EYS: variants seen among roughly 807,000 people sequenced by gnomAD.
EYS encodes the protein EGF-like photoreceptor maintenance factor, also known as protein eyes shut homolog.
In EYS, 250 loss-of-function variants were observed where a neutral mutation model predicts 282.1. The observed-to-expected ratio is 0.89, with a 90% CI of 0.80 to 0.98. The LOEUF is 0.98. Ranked by LOEUF, EYS falls within the 50% of genes least tolerant of loss-of-function variation. The probability of loss-of-function intolerance (pLI) is 0.00; values close to 1 mark genes in which losing one functional copy is unlikely to be tolerated. For synonymous variants in EYS, 1,355 were observed against 1,282.9 expected, an observed-to-expected ratio of 1.06 and a Z score of -1.20; for missense variants, 4,016 against 3,709.0, an observed-to-expected ratio of 1.08 and a Z score of -2.15.
At chr6:65,362,908 A>G (rs1308373574) in intron 8 of EYS, among the ~76,000 whole-genome samples, 2 of 152,104 alleles carry the variant, frequency 1.3e-5, no homozygotes, top group African/African-American at 4.8e-5. Context: ...AGAAAATTAG[A>G]AAAGTTATGG....
intron 11 of EYS, among the ~76,000 whole-genome samples, chr6:65,312,853 T>C (rs564374643): frequency 2.6e-4 from 40 of 152,184 alleles, no homozygotes; most frequent in African/African-American, 8.9e-4. Context: ...CCAGTTGTAA[T>C]ATATGCCAAT....
chr6:64,410,728 A>G (rs996702452), intron 28 of EYS, among the ~76,000 whole-genome samples: 3 of 152,138 alleles, frequency 2.0e-5, no homozygotes, highest in African/African-American at 7.2e-5. Context: ...AAAACACATC[A>G]ACTCTAGCCA....
At chr6:64,051,533 C>T (rs998235433) in intron 33 of EYS, among the ~76,000 whole-genome samples, 1 of 152,070 alleles carries the variant, frequency 6.6e-6, no homozygotes, top group Non-Finnish European at 1.5e-5. Context: ...CTAATACTAT[C>T]AAGCTTTAAG....
intron 35 of EYS, among the ~76,000 whole-genome samples, chr6:63,921,794 A>G (rs1055565331): frequency 2.0e-5 from 3 of 152,238 alleles, no homozygotes; most frequent in African/African-American, 7.2e-5. Context: ...GAAATATAGA[A>G]TGGAAAGTGT....
chr6:64,928,156 AT>A (rs958800978), intron 15 of EYS, among the ~76,000 whole-genome samples: 4 of 152,060 alleles, frequency 2.6e-5, no homozygotes, highest in Non-Finnish European at 4.4e-5. Context: ...TGAAAAGTCT[AT>A]TTCTCTAAAA....
At chr6:64,864,385 C>CTTTTTTTTGTTTTTTTTTTTT (rs1766349476) in intron 19 of EYS, among the ~76,000 whole-genome samples, 1 of 57,166 alleles carries the variant, frequency 1.7e-5, no homozygotes, top group Non-Finnish European at 3.6e-5. Flanking sequence ...GCTATACCTT[C>CTTTTTTTTGTTTTTTTTTTTT]TTTTTTTTTT....
chr6:65,615,802 C>T (rs1162848899), intron 2 of EYS, among the ~76,000 whole-genome samples: 4 of 151,764 alleles, frequency 2.6e-5, no homozygotes, highest in African/African-American at 9.7e-5. Context: ...GTCGTGGTGG[C>T]GGGCGCCTGC....
intron 31 of EYS, among the ~76,000 whole-genome samples, chr6:64,130,302 A>G (rs1279989287): frequency 6.6e-6 from 1 of 152,228 alleles, no homozygotes; most frequent in Non-Finnish European, 1.5e-5. Context: ...ATGCAGCCAT[A>G]AAAGAGGATG....
intron 35 of EYS, among the ~76,000 whole-genome samples, chr6:63,878,103 T>C (rs952863713): frequency 1.3e-5 from 2 of 152,198 alleles, no homozygotes; most frequent in Non-Finnish European, 2.9e-5. Flanking sequence ...CCTATCTTTG[T>C]GGTTTTATCT....
chr6:65,235,228 T>G (rs200775543), intron 12 of EYS, among the ~76,000 whole-genome samples: 1 of 152,150 alleles, frequency 6.6e-6, no homozygotes, highest in Non-Finnish European at 1.5e-5. Flanking sequence ...ACATGGAAAA[T>G]AGTATAACTG....
chr6:65,663,927 A>G (rs1768107965), intron 1 of EYS, among the ~76,000 whole-genome samples: 1 of 123,060 alleles, frequency 8.1e-6, no homozygotes, highest in Non-Finnish European at 1.6e-5. Context: ...GCTGGAGTGT[A>G]GTGGCGCAAT....
At chr6:64,561,918 C>CAAA (rs1765405708) in intron 26 of EYS, among the ~76,000 whole-genome samples, 1 of 89,460 alleles carries the variant, frequency 1.1e-5, no homozygotes, top group East Asian at 3.4e-4. Flanking sequence ...TCACATGGAA[C>CAAA]CAAAAAAAAA....
intron 25 of EYS, among the ~76,000 whole-genome samples, chr6:64,592,448 T>C (rs564493261): frequency 6.6e-6 from 1 of 152,236 alleles, no homozygotes; most frequent in African/African-American, 2.4e-5. Context: ...GAATAGAAAT[T>C]ACATAGATGA....
At chr6:65,252,884 G>C (rs1767363227) in intron 12 of EYS, among the ~76,000 whole-genome samples, 1 of 151,942 alleles carries the variant, frequency 6.6e-6, no homozygotes, top group African/African-American at 2.4e-5. Flanking sequence ...CAGTGAACTT[G>C]ACAGCAGATC....
At chr6:65,018,619 C>A (rs1243667445) in intron 13 of EYS, among the ~76,000 whole-genome samples, 4 of 152,256 alleles carry the variant, frequency 2.6e-5, no homozygotes, top group Middle Eastern at 3.4e-3. Context: ...GGACACAACT[C>A]AATCAAATAC....
intron 31 of EYS, among the ~76,000 whole-genome samples, chr6:64,154,811 T>C (rs1314619009): frequency 6.6e-6 from 1 of 152,182 alleles, no homozygotes; most frequent in Non-Finnish European, 1.5e-5. Context: ...CAAGTAGAGA[T>C]ATGTCATGAG....
intron 30 of EYS, among the ~76,000 whole-genome samples, chr6:64,267,583 C>A (rs1383400314): frequency 6.6e-6 from 1 of 151,948 alleles, no homozygotes; most frequent in East Asian, 1.9e-4. Flanking sequence ...ATCATAATGG[C>A]ACAGAAAGAC....
intron 22 of EYS, among the ~76,000 whole-genome samples, chr6:64,742,885 C>A (rs540545568): frequency 6.6e-6 from 1 of 151,938 alleles, no homozygotes; most frequent in African/African-American, 2.4e-5. Flanking sequence ...TCTCACATTA[C>A]GAGGCAAGTA....
At chr6:64,269,012 G>T (rs1285390949) in intron 30 of EYS, among the ~76,000 whole-genome samples, 1 of 151,998 alleles carries the variant, frequency 6.6e-6, no homozygotes, top group Non-Finnish European at 1.5e-5. Flanking sequence ...TCTTCCACTG[G>T]CTGAAAAAAT....
Sources: gnomAD v4.1 joint callset for allele counts (sites outside exome capture counted in the v4.1 genomes callset) on GRCh38, gnomAD v4.1.1 for gene constraint, MANE v1.5 for transcripts, NCBI Gene and HGNC (gene_info 2026-07-23, HGNC 2026-07-21) for gene names.